The following PTPRD variants were observed in gnomAD, a reference collection of about 807,000 sequenced individuals.
PTPRD encodes the protein protein tyrosine phosphatase receptor type D.
PTPRD carries 34 observed loss-of-function variants against 214.5 expected under a neutral mutation model. The observed-to-expected ratio is 0.16, with a 90% CI of 0.12 to 0.21. PTPRD has a LOEUF of 0.21. PTPRD is among the 10% of genes least tolerant of loss of function. The pLI is 1.00. For synonymous variants in PTPRD, 1,128 were observed against 845.7 expected, an observed-to-expected ratio of 1.33 and a Z score of -5.79; for missense variants, 2,545 against 2,398.7, an observed-to-expected ratio of 1.06 and a Z score of -1.27.
At position 8,478,947 on chromosome 9, in the gene PTPRD, A is replaced by C. The variant is rs186859152; in HGVS notation, c.3413+5172T>G. On this transcript the variant is annotated intron_variant, in intron 30 of 45. Coordinates refer to ENST00000381196, the MANE Select transcript of PTPRD (RefSeq NM_002839.4). ...TCAAGAAAACAGGTGTCAATCACCA[A>C]AACTGCATTTTGCTTGAAAACAAAT... Among the ~76,000 whole-genome samples the C allele has an allele frequency of 1.2e-4, 19 of 152,354 alleles. 1 individual carries two copies. The East Asian group carries it at 2.9e-3, about 23-fold the overall frequency.
intron 8 of PTPRD, among the ~76,000 whole-genome samples, chr9:9,434,425 A>C (rs1407703396): frequency 6.6e-6 from 1 of 152,184 alleles, no homozygotes; most frequent in Non-Finnish European, 1.5e-5. Context: ...ATAATGTTAA[A>C]ATGGCTACGC....
intron 4 of PTPRD, among the ~76,000 whole-genome samples, chr9:9,992,051 G>C (rs779644900): frequency 1.3e-5 from 2 of 152,180 alleles, no homozygotes; most frequent in Non-Finnish European, 2.9e-5. Context: ...AAACCCATGA[G>C]AGTTAGAAAG....
In PTPRD at chr9:8,486,157, T is replaced by C. The variant is rs2135956431; in HGVS notation, c.2660A>G (p.Lys887Arg). Residue 887 changes from lysine (K) to arginine (R), a missense_variant, in exon 28 of 46, where the codon AAG (lysine) becomes AGG (arginine). Transcript: ENST00000381196. ...GAGCCTGAAGACGTATGATGCTCCC[T>C]TGTGGATGTCTGTAGCTGTAAAGTG... ...EDHFTATDIH[K>R]GASYVFRLSA... 1 of 1,614,200 alleles carries C rather than the reference T, an allele frequency of 6.2e-7. No individual in the cohort carries two copies. Among genetic ancestry groups the C allele is most frequent in the African/African-American group, 1.3e-5 (1 of 75,054 alleles).
At chr9:8,854,993 T>C (rs2097888523) in intron 11 of PTPRD, among the ~76,000 whole-genome samples, 1 of 152,176 alleles carries the variant, frequency 6.6e-6, no homozygotes, top group Non-Finnish European at 1.5e-5. Flanking sequence ...ACACTCTATA[T>C]GGAAAATCAT....
chr9:9,039,321 G>T (rs1261432857), intron 10 of PTPRD, among the ~76,000 whole-genome samples: 1 of 152,188 alleles, frequency 6.6e-6, no homozygotes, highest in African/African-American at 2.4e-5. Context: ...CCATTTAAGG[G>T]ATGGGTTCAC....
intron 4 of PTPRD, among the ~76,000 whole-genome samples, chr9:9,980,918 G>T (rs1336693118): frequency 1.8e-5 from 2 of 112,636 alleles, no homozygotes; most frequent in Non-Finnish European, 3.9e-5. Flanking sequence ...AAGCTATTGA[G>T]AGAAAAGGGA....
intron 35 of PTPRD, among the ~76,000 whole-genome samples, chr9:8,406,028 G>A (rs958103007): frequency 6.6e-6 from 1 of 152,058 alleles, no homozygotes; most frequent in Non-Finnish European, 1.5e-5. Flanking sequence ...AATTTACTAA[G>A]GATTATTAAA....
At chr9:10,600,341 T>C (rs968251072) in intron 2 of PTPRD, among the ~76,000 whole-genome samples, 5 of 151,816 alleles carry the variant, frequency 3.3e-5, no homozygotes, top group Non-Finnish European at 7.4e-5. Context: ...CTTTTTAATC[T>C]GTATCCTTCT....
At chr9:10,516,029 T>C (rs1228071225) in intron 2 of PTPRD, among the ~76,000 whole-genome samples, 4 of 151,968 alleles carry the variant, frequency 2.6e-5, no homozygotes, top group Admixed American at 6.6e-5. Context: ...AGAGATGCAG[T>C]GTACATGGTA....
chr9:9,027,669 C>T (rs2099591707), intron 10 of PTPRD, among the ~76,000 whole-genome samples: 2 of 151,870 alleles, frequency 1.3e-5, no homozygotes, highest in South Asian at 4.2e-4. Flanking sequence ...AAAGTCCTAT[C>T]ACATATCATT....
At chr9:10,449,384 C>A (rs561217590) in intron 2 of PTPRD, among the ~76,000 whole-genome samples, 1 of 151,988 alleles carries the variant, frequency 6.6e-6, no homozygotes, top group South Asian at 2.1e-4. Context: ...GATCTCCGCT[C>A]GCTACAACCT....
chr9:9,798,927 T>C (rs529106467), intron 5 of PTPRD, among the ~76,000 whole-genome samples: 3 of 152,326 alleles, frequency 2.0e-5, no homozygotes, highest in East Asian at 3.9e-4. Flanking sequence ...TTTTGGTTTT[T>C]CTTTTAATGT....
At chr9:10,218,407 T>A (rs931751205) in intron 3 of PTPRD, among the ~76,000 whole-genome samples, 1 of 151,958 alleles carries the variant, frequency 6.6e-6, no homozygotes, top group African/African-American at 2.4e-5. Context: ...ATAAAATATT[T>A]TAAAGTGCAA....
intron 5 of PTPRD, among the ~76,000 whole-genome samples, chr9:9,795,759 A>G (rs997111425): frequency 4.9e-5 from 7 of 141,882 alleles, no homozygotes; most frequent in Non-Finnish European, 1.1e-4. Flanking sequence ...TATGTTTCCT[A>G]TTGTATCCTA....
At chr9:10,425,315 T>C (rs2098602919) in intron 2 of PTPRD, among the ~76,000 whole-genome samples, 1 of 152,018 alleles carries the variant, frequency 6.6e-6, no homozygotes, top group East Asian at 1.9e-4. Flanking sequence ...GTGTTGCACA[T>C]ACTTTACAAC....
chr9:9,234,060 A>G (rs1383351197), intron 9 of PTPRD, among the ~76,000 whole-genome samples: 1 of 152,098 alleles, frequency 6.6e-6, no homozygotes, highest in Non-Finnish European at 1.5e-5. Flanking sequence ...TCCCTTCTGC[A>G]CTGCCCTAGC....
chr9:9,302,241 C>T (rs1378025740), intron 9 of PTPRD, among the ~76,000 whole-genome samples: 9 of 151,786 alleles, frequency 5.9e-5, no homozygotes, highest in Admixed American at 5.3e-4. Context: ...GCATTTCCTT[C>T]TGGCCCTATC....
chr9:9,227,871 G>A (rs555202864), intron 9 of PTPRD, among the ~76,000 whole-genome samples: 31 of 152,226 alleles, frequency 2.0e-4, no homozygotes, highest in African/African-American at 7.5e-4. Context: ...AGCCTAATGA[G>A]GGACCCAGAG....
chr9:8,560,417 G>A (rs114463516), intron 14 of PTPRD, among the ~76,000 whole-genome samples: 1 of 146,180 alleles, frequency 6.8e-6, no homozygotes, highest in Non-Finnish European at 1.5e-5. Context: ...CAAATGATCA[G>A]TACCAACTTA....
Sources: gnomAD v4.1 joint callset for allele counts (sites outside exome capture counted in the v4.1 genomes callset) on GRCh38, gnomAD v4.1.1 for gene constraint, MANE v1.5 for transcripts, NCBI Gene and HGNC (gene_info 2026-07-23, HGNC 2026-07-21) for gene names.